CTNNA2: variants seen among roughly 807,000 people sequenced by gnomAD.
CTNNA2 encodes the protein catenin alpha-2.
In CTNNA2, 42 loss-of-function variants were observed where a neutral mutation model predicts 101.0. The observed-to-expected ratio is 0.42, with a 90% CI of 0.32 to 0.54. The LOEUF (loss-of-function observed/expected upper bound fraction) is 0.54, where lower values mean the gene tolerates loss of function less well. Ranked by LOEUF, CTNNA2 falls within the 20% of genes least tolerant of loss-of-function variation. The pLI is 0.14. For missense variants in CTNNA2, 871 were observed against 1,223.1 expected (o/e 0.71, Z 4.29); for synonymous variants, 450 against 456.4 (o/e 0.99, Z 0.18).
intron 2 of CTNNA2, among the ~76,000 whole-genome samples, chr2:79,721,918 T>A (rs1686514968): frequency 6.6e-6 from 1 of 152,154 alleles, no homozygotes. Context: ...GTTTTTACAA[T>A]AATAGAATAA....
intron 9 of CTNNA2, among the ~76,000 whole-genome samples, chr2:80,454,347 G>A (rs1171031923): frequency 6.6e-6 from 1 of 152,124 alleles, no homozygotes; most frequent in Non-Finnish European, 1.5e-5. Flanking sequence ...GAAGCAGTAC[G>A]ATGCAGAGTT....
chr2:79,935,926 G>A (rs560277771), intron 7 of CTNNA2, among the ~76,000 whole-genome samples: 2 of 152,300 alleles, frequency 1.3e-5, no homozygotes, highest in Admixed American at 1.3e-4. Flanking sequence ...GACTGTCAAA[G>A]GACATGACCA....
chr2:80,216,228 G>C (rs964540938), intron 7 of CTNNA2, among the ~76,000 whole-genome samples: 1 of 152,066 alleles, frequency 6.6e-6, no homozygotes. Context: ...GTGATGCCCC[G>C]CCCTGCTTCG....
At chr2:80,359,457 T>C (rs917195528) in intron 7 of CTNNA2, among the ~76,000 whole-genome samples, 2 of 152,158 alleles carry the variant, frequency 1.3e-5, no homozygotes, top group African/African-American at 4.8e-5. Context: ...GGGAGGTGAT[T>C]GGATCATGGG....
In CTNNA2 at chr2:79,828,952, G is replaced by A. The variant is rs184419093; in HGVS notation, c.299-29061G>A. Among the ~76,000 whole-genome samples, 302 of 152,278 alleles carry A rather than the reference G, an allele frequency of 2.0e-3. 1 individual carries two copies. Among genetic ancestry groups the A allele is most frequent in the African/African-American group, 7.0e-3 (293 of 41,576 alleles). On this transcript the variant is annotated intron_variant, in intron 3 of 18. Coordinates refer to ENST00000402739, the MANE Select transcript of CTNNA2 (RefSeq NM_001282597.3). ...GTAAACTGCCCACATTGATTAGATT[G>A]ACTGAAGAACTGTCAGAAACCTCAA...
At chr2:80,118,135 G>A (rs1341569729) in intron 7 of CTNNA2, among the ~76,000 whole-genome samples, 2 of 151,922 alleles carry the variant, frequency 1.3e-5, no homozygotes, top group Admixed American at 6.6e-5. Context: ...TCCTTGTTTT[G>A]AAAAATACAT....
chr2:79,714,539 A>G (rs549596628), intron 2 of CTNNA2, among the ~76,000 whole-genome samples: 1 of 152,324 alleles, frequency 6.6e-6, no homozygotes, highest in South Asian at 2.1e-4. Context: ...TTTCCTATCA[A>G]TGTACAGGCA....
At chr2:80,589,860 C>CTGTGTGTGTGTGTG (rs59206973) in intron 15 of CTNNA2, among the ~76,000 whole-genome samples, 6 of 140,578 alleles carry the variant, frequency 4.3e-5, no homozygotes, top group Non-Finnish European at 6.3e-5. Context: ...ATATGTACCT[C>CTGTGTGTGTGTGTG]TGTGTGTGTG....
rs1348907620 is a variant in CTNNA2, at chr2:80,525,502, G to A, written c.1291-19480G>A. ...TGGCTTGTATCTGGGTAACTCTCAG[G>A]AGCAGGACTGGCCTCAGGCAAAAAA... On this transcript the variant is annotated intron_variant, in intron 9 of 18. Coordinates refer to ENST00000402739, the MANE Select transcript of CTNNA2 (RefSeq NM_001282597.3). Among the ~76,000 whole-genome samples the A allele has an allele frequency of 2.6e-5, 4 of 152,082 alleles. No homozygotes were observed. In the East Asian group the frequency reaches 7.7e-4, roughly 29 times the overall value.
intron 7 of CTNNA2, among the ~76,000 whole-genome samples, chr2:80,371,271 G>A (rs1675416578): frequency 6.6e-6 from 1 of 152,136 alleles, no homozygotes; most frequent in Non-Finnish European, 1.5e-5. Context: ...GCTGTCACAT[G>A]ATAGGCACTC....
At chr2:79,404,942 T>C (rs1678326259) in intron 4 of CTNNA2, among the ~76,000 whole-genome samples, 1 of 152,122 alleles carries the variant, frequency 6.6e-6, no homozygotes, top group South Asian at 2.1e-4. Context: ...TCTATTGAGA[T>C]ATCATTCATG....
chr2:79,780,789 C>T (rs761530216), intron 3 of CTNNA2, among the ~76,000 whole-genome samples: 3 of 152,140 alleles, frequency 2.0e-5, no homozygotes, highest in African/African-American at 7.2e-5. Context: ...AAAATTCATG[C>T]AACTTATACT....
At chr2:80,462,631 CTTTTTTT>C (rs753815778) in intron 9 of CTNNA2, among the ~76,000 whole-genome samples, 6 of 94,768 alleles carry the variant, frequency 6.3e-5, no homozygotes, top group African/African-American at 2.3e-4. Context: ...TTCTTTCTTT[CTTTTTTT>C]TTTTTTTTTT....
At chr2:79,777,312 T>C (rs1674043317) in intron 3 of CTNNA2, among the ~76,000 whole-genome samples, 1 of 149,900 alleles carries the variant, frequency 6.7e-6, no homozygotes, top group African/African-American at 2.4e-5. Flanking sequence ...TCTTAGCCCA[T>C]ACCAAACACT....
intron 7 of CTNNA2, among the ~76,000 whole-genome samples, chr2:80,194,484 T>A (rs1222345883): frequency 6.8e-6 from 1 of 146,566 alleles, no homozygotes; most frequent in Non-Finnish European, 1.5e-5. Context: ...ATATTTTACA[T>A]GATGTGATAG....
At chr2:80,577,801 C>T (rs900527378) in intron 13 of CTNNA2, among the ~76,000 whole-genome samples, 1 of 146,358 alleles carries the variant, frequency 6.8e-6, no homozygotes, top group Non-Finnish European at 1.5e-5. Context: ...ATGCATCTCT[C>T]AAGCTCTCCT....
chr2:79,392,724 A>G (rs1031004060), intron 4 of CTNNA2, among the ~76,000 whole-genome samples: 10 of 152,142 alleles, frequency 6.6e-5, no homozygotes, highest in African/African-American at 1.9e-4. Context: ...GGAAATCTCC[A>G]ATGATATCAT....
chr2:80,451,365 C>T (rs1282138310), intron 9 of CTNNA2, among the ~76,000 whole-genome samples: 1 of 152,074 alleles, frequency 6.6e-6, no homozygotes, highest in African/African-American at 2.4e-5. Flanking sequence ...CTTTTTGCCA[C>T]CATGTGAAGA....
intron 3 of CTNNA2, among the ~76,000 whole-genome samples, chr2:79,786,050 T>C (rs1674816630): frequency 6.6e-6 from 1 of 152,156 alleles, no homozygotes; most frequent in Non-Finnish European, 1.5e-5. Context: ...GCATATTCCA[T>C]AGGGAAACAC....
Sources: gnomAD v4.1 joint callset for allele counts (sites outside exome capture counted in the v4.1 genomes callset) on GRCh38, gnomAD v4.1.1 for gene constraint, MANE v1.5 for transcripts, NCBI Gene and HGNC (gene_info 2026-07-23, HGNC 2026-07-21) for gene names.